Variants in TMPRSS7 observed in about 807,000 individuals in gnomAD.
TMPRSS7 encodes the protein transmembrane serine protease 7.
In TMPRSS7, 81 loss-of-function variants were observed where a neutral mutation model predicts 95.6. The observed-to-expected ratio is 0.85, with a 90% CI of 0.71 to 1.02. TMPRSS7 has a LOEUF of 1.02. Ranked by LOEUF, TMPRSS7 falls within the 50% of genes least tolerant of loss-of-function variation. The pLI is 0.00. For missense variants in TMPRSS7, 945 were observed against 955.2 expected (o/e 0.99, Z 0.14); for synonymous variants, 364 against 337.8 (o/e 1.08, Z -0.85).
intron 1 of TMPRSS7, among the ~76,000 whole-genome samples, chr3:112,036,893 A>T (rs1576092653): frequency 6.6e-6 from 1 of 152,206 alleles, no homozygotes; most frequent in East Asian, 1.9e-4. Flanking sequence ...GCAGTCTCTG[A>T]ACATAAATTG....
At chr3:112,068,266 C>T (rs1304550962) in intron 13 of TMPRSS7, among the ~76,000 whole-genome samples, 3 of 152,148 alleles carry the variant, frequency 2.0e-5, no homozygotes, top group African/African-American at 7.2e-5. Context: ...CGTGATGCCC[C>T]CAACTTTGTT....
rs2073537706 is a variant in TMPRSS7 at position 112,063,468 on chromosome 3, A to G, written c.1448-57A>G. The G allele has an allele frequency of 3.0e-6, 4 of 1,334,234 alleles. No homozygotes were observed. In the African/African-American group the frequency reaches 5.8e-5, roughly 19 times the overall value. The allele number at this position is 1,334,234 out of a possible 1,614,324, so 82.6% of individuals were successfully genotyped here. A position where few individuals can be genotyped will look rare whatever the true frequency, so the allele number is the denominator to read the frequency against. On this transcript the variant is annotated intron_variant, in intron 11 of 17. Transcript: ENST00000452346. ...CACTTTAAATTTGCTAATGTGGTCT[A>G]GTGATTTCAGGGATCTATCCAAGAT... is the stretch of plus-strand genomic sequence containing the variant.
chr3:112,058,228 T>C (rs1156856459), intron 10 of TMPRSS7, among the ~76,000 whole-genome samples: 1 of 152,208 alleles, frequency 6.6e-6, no homozygotes, highest in East Asian at 1.9e-4. Flanking sequence ...ACTTGCAAAA[T>C]AACTGGTCCT....
At chr3:112,061,196 G>A (rs539549555) in intron 10 of TMPRSS7, among the ~76,000 whole-genome samples, 4 of 152,208 alleles carry the variant, frequency 2.6e-5, no homozygotes, top group South Asian at 4.1e-4. Flanking sequence ...TTAACAGGAG[G>A]GATATTTTCT....
intron 16 of TMPRSS7, among the ~76,000 whole-genome samples, chr3:112,077,511 C>G (rs957119813): frequency 1.3e-5 from 2 of 152,144 alleles, no homozygotes; most frequent in African/African-American, 4.8e-5. Flanking sequence ...GAGAAGGACA[C>G]ACATGCACAT....
exon 18 of TMPRSS7, chr3:112,081,020 G>C (rs192110889): frequency 1.2e-6 from 2 of 1,613,614 alleles, no homozygotes; most frequent in Non-Finnish European, 1.7e-6. Flanking sequence ...AACTTTCCTG[G>C]TGTTTACACA....
At chr3:112,069,767 A>T (rs2073620163) in intron 13 of TMPRSS7, among the ~76,000 whole-genome samples, 1 of 152,078 alleles carries the variant, frequency 6.6e-6, no homozygotes, top group African/African-American at 2.4e-5. Flanking sequence ...GATCATTTCA[A>T]AAAACCAGCT....
intron 2 of TMPRSS7, among the ~76,000 whole-genome samples, chr3:112,039,154 G>A (rs1303786696): frequency 6.6e-6 from 1 of 152,128 alleles, no homozygotes; most frequent in Admixed American, 6.5e-5. Context: ...CTTTCCTATA[G>A]AGTTCTCACT....
exon 4 of TMPRSS7, chr3:112,044,265 T>C: frequency 1.3e-6 from 2 of 1,550,224 alleles, no homozygotes; most frequent in African/African-American, 2.7e-5. Flanking sequence ...ATAAACCTGG[T>C]TTATACAACA....
intron 8 of TMPRSS7, 66 bp downstream of exon 8, chr3:112,050,040 C>G (rs2073326376): frequency 6.9e-7 from 1 of 1,441,196 alleles, no homozygotes. Flanking sequence ...CTATTCTTAT[C>G]TTTCTGGAAG....
intron 11 of TMPRSS7, 89 bp from the exon 12 acceptor site, chr3:112,063,436 C>T: frequency 1.1e-6 from 1 of 951,378 alleles, no homozygotes; most frequent in East Asian, 2.4e-5. Context: ...ACTCCCTAAC[C>T]ACTTCACACT....
At chr3:112,075,625 C>A (rs1206251451) in intron 15 of TMPRSS7, 133 bp downstream of exon 15, 4 of 776,854 alleles carry the variant, frequency 5.1e-6, no homozygotes, top group African/African-American at 1.8e-5. Context: ...TTTTTGGATC[C>A]CACGTGTGTG....
At chr3:112,076,673 C>T (rs936270496) in intron 15 of TMPRSS7, among the ~76,000 whole-genome samples, 7 of 152,190 alleles carry the variant, frequency 4.6e-5, no homozygotes, top group Non-Finnish European at 1.0e-4. Flanking sequence ...ATACAGCTTA[C>T]GTCATTTCTG....
intron 13 of TMPRSS7, among the ~76,000 whole-genome samples, chr3:112,073,139 T>A (rs1471822872): frequency 1.7e-4 from 25 of 150,908 alleles, no homozygotes; most frequent in Admixed American, 1.6e-3. Context: ...TTGCCCAGGC[T>A]GGAGTGCAGT....
At chr3:112,068,288 G>A (rs184587397) in intron 13 of TMPRSS7, among the ~76,000 whole-genome samples, 19 of 152,304 alleles carry the variant, frequency 1.2e-4, no homozygotes, top group African/African-American at 4.3e-4. Flanking sequence ...TTTTGGCTTA[G>A]GATTGTCTTG....
At chr3:112,078,608 T>C (rs938335502) in intron 16 of TMPRSS7, 134 bp from the exon 17 acceptor site, 5 of 1,149,836 alleles carry the variant, frequency 4.3e-6, no homozygotes, top group African/African-American at 3.1e-5. Context: ...ATGAGGATAA[T>C]AGTAGAATTT....
At chr3:112,066,042 T>C (rs340146) in intron 12 of TMPRSS7, among the ~76,000 whole-genome samples, 134,992 of 152,208 alleles carry the variant, frequency 0.89, 60,398 homozygotes, top group East Asian at 1. Context: ...CAGGACACTC[T>C]TATTTTGCTT....
chr3:112,073,719 G>A (rs1289691040), intron 13 of TMPRSS7, among the ~76,000 whole-genome samples: 2 of 152,082 alleles, frequency 1.3e-5, no homozygotes, highest in Non-Finnish European at 2.9e-5. Flanking sequence ...AGTTTCTTTT[G>A]TAATACTGGC....
In TMPRSS7 at chr3:112,057,139, ATTTTCATATG is replaced by A; in HGVS notation, c.1310+20_1310+29del. The A allele has an allele frequency of 6.3e-7, 1 of 1,587,854 alleles. No homozygotes were observed. ...GGAAATTAATGAGCACATGTAAGTG[ATTTTCATATG>A]TTTTCATATGTGAGGCATCTGATGA... is the stretch of plus-strand genomic sequence containing the variant. On this transcript the variant is annotated intron_variant, in intron 10 of 17. Coordinates refer to ENST00000452346, the Ensembl canonical transcript of TMPRSS7.
Sources: allele counts gnomAD v4.1 joint callset (sites outside exome capture counted in the v4.1 genomes callset), GRCh38; gene constraint gnomAD v4.1.1; transcripts MANE v1.5; gene names NCBI Gene and HGNC (gene_info 2026-07-23, HGNC 2026-07-21).